Variants in PCDHA7 observed in about 807,000 individuals in gnomAD.
PCDHA7 encodes the protein protocadherin alpha-7.
PCDHA7 carries 37 observed loss-of-function variants against 57.2 expected under a neutral mutation model. That is an observed-to-expected ratio of 0.65 (90% CI 0.50 to 0.85). The LOEUF (loss-of-function observed/expected upper bound fraction) is 0.85. Ranked by LOEUF, PCDHA7 falls within the 40% of genes least tolerant of loss-of-function variation. The pLI is 0.00. For missense variants in PCDHA7, 1,188 were observed against 1,241.8 expected, an observed-to-expected ratio of 0.96 and a Z score of 0.65; for synonymous variants, 553 against 558.8, an observed-to-expected ratio of 0.99 and a Z score of 0.15.
At chr5:140,935,073 A>G (rs77827614) in intron 1 of PCDHA7, among the ~76,000 whole-genome samples, 63 of 152,260 alleles carry the variant, frequency 4.1e-4, no homozygotes, top group African/African-American at 1.3e-3. Context: ...ATTATCTTGT[A>G]CATTTCCTTT....
chr5:140,850,416 G>T, intron 1 of PCDHA7: 1 of 1,598,000 alleles, frequency 6.3e-7, no homozygotes, highest in Non-Finnish European at 8.6e-7. Flanking sequence ...GGACGAAACG[G>T]ACGCACCGCG....
intron 1 of PCDHA7, among the ~76,000 whole-genome samples, chr5:140,938,520 A>G (rs1240941217): frequency 6.6e-6 from 1 of 150,896 alleles, no homozygotes; most frequent in African/African-American, 2.4e-5. Context: ...ATTTTCTGTT[A>G]TTGAATGGAT....
At chr5:140,851,863 T>C in intron 1 of PCDHA7, 1 of 976,024 alleles carries the variant, frequency 1.0e-6, no homozygotes, top group Non-Finnish European at 1.2e-6. Flanking sequence ...AGCTCATACA[T>C]AACACAAGGC....
chr5:140,920,456 T>C (rs2079640226), intron 1 of PCDHA7, among the ~76,000 whole-genome samples: 1 of 152,192 alleles, frequency 6.6e-6, no homozygotes, highest in African/African-American at 2.4e-5. Flanking sequence ...AATTGACAAA[T>C]TTGTTATATT....
chr5:140,992,576 G>T (rs992150186), intron 3 of PCDHA7, among the ~76,000 whole-genome samples: 4 of 152,172 alleles, frequency 2.6e-5, no homozygotes, highest in Admixed American at 2.0e-4. Flanking sequence ...CATATTGCCT[G>T]CCTTGTATGC....
chr5:140,866,633 G>A (rs900221819), intron 1 of PCDHA7: 71 of 152,170 alleles, frequency 4.7e-4, no homozygotes, highest in African/African-American at 1.6e-3. Flanking sequence ...TTCTGACAAC[G>A]GTGTCAAAAT....
chr5:140,858,438 T>C (rs1175682550), intron 1 of PCDHA7: 1 of 1,540,812 alleles, frequency 6.5e-7, no homozygotes, highest in Admixed American at 2.0e-5. Context: ...TCTAGGAAGG[T>C]GGGTTATTAC....
chr5:140,942,478 C>T (rs2093304158), intron 1 of PCDHA7, among the ~76,000 whole-genome samples: 1 of 151,408 alleles, frequency 6.6e-6, no homozygotes, highest in African/African-American at 2.4e-5. Flanking sequence ...ATTCAAGCTA[C>T]AACTGAAATA....
chr5:140,863,001 C>A, intron 1 of PCDHA7: 1 of 550,202 alleles, frequency 1.8e-6, no homozygotes, highest in South Asian at 1.4e-5. Context: ...ACGGTGGACT[C>A]CAGCTATGAC....
intron 1 of PCDHA7, among the ~76,000 whole-genome samples, chr5:140,880,167 G>A (rs1363011800): frequency 2.0e-5 from 3 of 152,160 alleles, no homozygotes; most frequent in African/African-American, 7.2e-5. Context: ...TATGTTAGAA[G>A]TTAAACATGA....
Position 140,876,332 on chromosome 5 carries a change from T to C in PCDHA7, c.2355+39594T>C. On this transcript the variant is annotated intron_variant, in intron 1 of 3. Coordinates refer to ENST00000525929, the MANE Select transcript of PCDHA7 (RefSeq NM_018910.3). ...TATGGGATCAAAATGATTTTGCCAGTGAGTGAGAAATGTATGTTTTCAATA... is the reference window on the plus strand; with the variant it reads ...TATGGGATCAAAATGATTTTGCCAGCGAGTGAGAAATGTATGTTTTCAATA... 6.2e-7 allele frequency: 1 copy of C among 1,613,990 alleles called. No homozygotes were observed. Among genetic ancestry groups the C allele is most frequent in the Non-Finnish European group, 8.5e-7 (1 of 1,179,896 alleles).
intron 1 of PCDHA7, among the ~76,000 whole-genome samples, chr5:140,901,810 T>C (rs2068911855): frequency 6.6e-6 from 1 of 152,336 alleles, no homozygotes; most frequent in African/African-American, 2.4e-5. Flanking sequence ...ATTTTTACAA[T>C]ATTGATTCTT....
At chr5:140,908,911 T>C (rs535661545) in intron 1 of PCDHA7, among the ~76,000 whole-genome samples, 1 of 152,300 alleles carries the variant, frequency 6.6e-6, no homozygotes, top group South Asian at 2.1e-4. Flanking sequence ...TTCGTGGTTG[T>C]AGGAGGGGCC....
intron 1 of PCDHA7, chr5:140,852,708 G>A (rs1175249471): frequency 1.0e-6 from 1 of 979,130 alleles, no homozygotes; most frequent in Non-Finnish European, 1.2e-6. Flanking sequence ...AAGTATCTTT[G>A]TCTTTGCACG....
intron 1 of PCDHA7, chr5:140,883,880 C>A: frequency 6.2e-7 from 1 of 1,613,304 alleles, no homozygotes. Context: ...GGTGAGCGCG[C>A]GCGACTCTGG....
At chr5:140,925,286 A>G (rs545624226) in intron 1 of PCDHA7, among the ~76,000 whole-genome samples, 9 of 152,288 alleles carry the variant, frequency 5.9e-5, no homozygotes, top group African/African-American at 2.2e-4. Context: ...TTGCCTTTCA[A>G]ATGTTTCATT....
intron 1 of PCDHA7, among the ~76,000 whole-genome samples, chr5:140,945,772 T>A (rs538344111): frequency 1.2e-4 from 18 of 152,228 alleles, no homozygotes; most frequent in African/African-American, 4.1e-4. Context: ...GACAATTTGA[T>A]ATCCAGATGC....
At chr5:140,973,862 A>G (rs1438238778) in intron 1 of PCDHA7, among the ~76,000 whole-genome samples, 2 of 152,196 alleles carry the variant, frequency 1.3e-5, no homozygotes, top group Non-Finnish European at 2.9e-5. Flanking sequence ...TTTGCTCTCA[A>G]TGAGAGGTCA....
At chr5:140,851,327 T>C in intron 1 of PCDHA7, 1 of 984,006 alleles carries the variant, frequency 1.0e-6, no homozygotes, top group East Asian at 8.4e-5. Context: ...GTTAAGTTTG[T>C]AGTTCTCTAC....
Sources: gnomAD v4.1 joint callset for allele counts (sites outside exome capture counted in the v4.1 genomes callset) on GRCh38, gnomAD v4.1.1 for gene constraint, MANE v1.5 for transcripts, NCBI Gene and HGNC (gene_info 2026-07-23, HGNC 2026-07-21) for gene names.